Variants in GABARAPL2 observed in about 807,000 individuals in gnomAD.
The protein encoded by GABARAPL2 is GABA type A receptor associated protein like 2.
In GABARAPL2, 11 loss-of-function variants were observed where a neutral mutation model predicts 16.9. The ratio of observed to expected loss-of-function variants is 0.65; its 90% confidence interval spans 0.41 to 1.08. The LOEUF is 1.08. GABARAPL2 is among the 50% of genes least tolerant of loss of function. GABARAPL2 has a pLI of 0.00. For synonymous variants in GABARAPL2, 57 were observed against 50.7 expected (o/e 1.12, Z -0.53); for missense variants, 134 against 142.5 (o/e 0.94, Z 0.30).
intron 1 of GABARAPL2, 75 bp from the exon 2 acceptor site, chr16:75,566,777 G>C: frequency 7.4e-7 from 1 of 1,358,060 alleles, no homozygotes; most frequent in South Asian, 1.2e-5. Flanking sequence ...GCAGGGCGCA[G>C]GAGGAGGAGG....
At chr16:75,575,317 CAG>C (rs1446360055) in intron 3 of GABARAPL2, among the ~76,000 whole-genome samples, 3 of 150,414 alleles carry the variant, frequency 2.0e-5, no homozygotes, top group South Asian at 2.1e-4. Flanking sequence ...TTTTTTGAGA[CAG>C]AGTTTTGCTC....
rs1355428204 is a variant in GABARAPL2, at chr16:75,566,907, G to A, written c.90G>A (p.Pro30=). 2 of 1,611,898 alleles carry A rather than the reference G, an allele frequency of 1.2e-6. No individual in the cohort carries two copies. Among genetic ancestry groups the A allele is most frequent in the Admixed American group, 3.3e-5 (2 of 60,026 alleles). ...GAGCGAAATATCCCGACAGGGTTCCGGTGAGTGGACTCTCCGCCCCCTCAC... is the reference window on the plus strand; with the variant it reads ...GAGCGAAATATCCCGACAGGGTTCCAGTGAGTGGACTCTCCGCCCCCTCAC... ...KIRAKYPDRV[P]VIVEKVSGSQ... is the part of the protein sequence containing the mutation. The change falls in exon 2 of 4, where the codon CCG becomes CCA. Residue 30 remains proline, a splice_region_variant and synonymous_variant. Transcript: ENST00000037243.
intron 3 of GABARAPL2, among the ~76,000 whole-genome samples, chr16:75,574,888 C>G (rs75501781): frequency 0.12 from 18,212 of 151,542 alleles, 2,702 homozygotes; most frequent in East Asian, 0.73. Flanking sequence ...AACAAATTAG[C>G]CAGGCGTGGT....
intron 3 of GABARAPL2, among the ~76,000 whole-genome samples, chr16:75,574,127 G>A (rs968223661): frequency 1.3e-5 from 2 of 152,216 alleles, no homozygotes; most frequent in African/African-American, 4.8e-5. Context: ...CCTGCCAAGA[G>A]TCAGGGCTCA....
At position 75,566,395 on chromosome 16, in the gene GABARAPL2, G is replaced by C; in HGVS notation, c.-92G>C. On this transcript the variant is annotated 5_prime_UTR_variant, in exon 1 of 4. Coordinates refer to ENST00000037243, the MANE Select transcript of GABARAPL2 (RefSeq NM_007285.7). ...CTGCCGTGTAGTCGCCGCCGTCGCT[G>C]CCGCTGCCGCTGCCGCCGTCGTTGT... The C allele has an allele frequency of 1.0e-6, 1 of 966,690 alleles. No individual in the cohort carries two copies. Among genetic ancestry groups the C allele is most frequent in the Non-Finnish European group, 1.6e-6 (1 of 624,508 alleles). 59.9% of individuals were successfully genotyped at this position (966,690 alleles called of 1,614,324 possible).
chr16:75,577,645 C>T lies in GABARAPL2; in HGVS notation c.*276C>T, dbSNP rs1411813101. On this transcript the variant is annotated 3_prime_UTR_variant, in exon 4 of 4. Transcript: ENST00000037243. ...ATCATATTGAATGATATTTCTATAT[C>T]GAAGTGAGGTAGGTGCGGTATTAAA... 1 of 312,110 alleles carries T rather than the reference C, an allele frequency of 3.2e-6. No homozygotes were observed. The highest frequency in any genetic ancestry group is 6.0e-6 in the Non-Finnish European group (1 of 166,914). 19.3% of individuals were successfully genotyped at this position (312,110 alleles called of 1,614,324 possible).
chr16:75,568,696 C>T (rs766775304), intron 3 of GABARAPL2, among the ~76,000 whole-genome samples: 2 of 152,208 alleles, frequency 1.3e-5, no homozygotes, highest in African/African-American at 4.8e-5. Context: ...ATGACTGCGG[C>T]ACAGTAAAGG....
At chr16:75,566,943 C>T (rs562210168) in intron 2 of GABARAPL2, 36 bp downstream of exon 2, 9 of 1,556,744 alleles carry the variant, frequency 5.8e-6, no homozygotes, top group African/African-American at 4.1e-5. Context: ...CTCGCTGTCA[C>T]CTCTGTCGTC....
chr16:75,566,887 A>T lies in GABARAPL2; in HGVS notation c.70A>T (p.Lys24Ter), dbSNP rs374021918. The part of the protein sequence containing the change: ...RCVESAKIRA[K>*]YPDRVPVIVE... ...CGTGGAGTCCGCGAAGATTCGAGCG[A>T]AATATCCCGACAGGGTTCCGGTGAG... The change falls in exon 2 of 4, where the codon AAA becomes TAA. Residue 24 changes from lysine (K) to a stop codon, truncating the protein, a stop_gained. Transcript: ENST00000037243. LOFTEE classifies it high-confidence loss of function. 5.6e-6 allele frequency: 9 copies of T among 1,613,616 alleles called. No individual in the cohort carries two copies. The highest frequency in any genetic ancestry group is 7.6e-6 in the Non-Finnish European group (9 of 1,179,876).
At chr16:75,572,375 G>A (rs897072914) in intron 3 of GABARAPL2, 1 of 152,286 alleles carries the variant, frequency 6.6e-6, no homozygotes, top group Non-Finnish European at 1.5e-5. Context: ...AAGCAGATGG[G>A]TGGCCAGGTG....
intron 3 of GABARAPL2, among the ~76,000 whole-genome samples, chr16:75,571,723 T>C (rs939624627): frequency 5.3e-5 from 8 of 150,518 alleles, no homozygotes; most frequent in Non-Finnish European, 1.0e-4. Context: ...CAGGCTAGAG[T>C]GCCCAGGCAG....
chr16:75,566,630 G>A, intron 1 of GABARAPL2, 110 bp downstream of exon 1: 1 of 1,278,132 alleles, frequency 7.8e-7, no homozygotes, highest in Non-Finnish European at 1.1e-6. Flanking sequence ...GCCCTGCTGC[G>A]GGCTGGAGTC....
At chr16:75,573,158 C>T (rs2080926530) in intron 3 of GABARAPL2, among the ~76,000 whole-genome samples, 1 of 152,186 alleles carries the variant, frequency 6.6e-6, no homozygotes, top group African/African-American at 2.4e-5. Flanking sequence ...GGAATGTGTC[C>T]CAAACTGACA....
At position 75,568,211 on chromosome 16, in the gene GABARAPL2, TGA is replaced by T; in HGVS notation, c.263+6_263+7del. On this transcript the variant is annotated splice_donor_region_variant and intron_variant, in intron 3 of 3. Transcript: ENST00000037243. ...GGATAAGACAGTCCCACAGTCCAGG[TGA>T]GAGGTGTTTACTAGATGGGCCCTCT... 1 of 1,590,526 alleles carries T rather than the reference TGA, an allele frequency of 6.3e-7. No individual in the cohort carries two copies. The highest frequency in any genetic ancestry group is 1.3e-5 in the African/African-American group (1 of 74,680).
chr16:75,568,467 A>G (rs8056968), intron 3 of GABARAPL2: 45,071 of 322,884 alleles, frequency 0.14, 8,282 homozygotes, highest in East Asian at 0.74. Flanking sequence ...GAATCTTTTA[A>G]AACGGTTGAG....
At chr16:75,567,969 T>C (rs1238969865) in intron 2 of GABARAPL2, 68 bp from the exon 3 acceptor site, 2 of 1,237,158 alleles carry the variant, frequency 1.6e-6, no homozygotes, top group Non-Finnish European at 2.3e-6. Flanking sequence ...GTTCATCAGC[T>C]CCTCAGCCAT....
chr16:75,575,299 A>ATT (rs138990592), intron 3 of GABARAPL2, among the ~76,000 whole-genome samples: 138 of 146,784 alleles, frequency 9.4e-4, no homozygotes, highest in South Asian at 6.4e-3. Context: ...GTTGAAATTA[A>ATT]TTTTTTTTTT....
At chr16:75,568,505 G>C in intron 3 of GABARAPL2, 1 of 212,792 alleles carries the variant, frequency 4.7e-6, no homozygotes, top group Non-Finnish European at 9.3e-6. Flanking sequence ...GCTATAGGTA[G>C]AACTGAGGCC....
At chr16:75,571,820 C>T (rs1042094340) in intron 3 of GABARAPL2, among the ~76,000 whole-genome samples, 6 of 151,132 alleles carry the variant, frequency 4.0e-5, no homozygotes, top group Non-Finnish European at 5.9e-5. Context: ...GGATTACAGG[C>T]GACTGCCACC....
Sources: gnomAD v4.1 joint callset for allele counts (sites outside exome capture counted in the v4.1 genomes callset) on GRCh38, gnomAD v4.1.1 for gene constraint, MANE v1.5 for transcripts, NCBI Gene and HGNC (gene_info 2026-07-23, HGNC 2026-07-21) for gene names.